Variants in CSMD1 observed in about 807,000 individuals in gnomAD.
CSMD1 encodes the protein CUB and Sushi multiple domains 1, also known as CUB and sushi domain-containing protein 1.
CSMD1 carries 213 observed loss-of-function variants against 417.5 expected under a neutral mutation model. The observed-to-expected ratio is 0.51, with a 90% confidence interval of 0.46 to 0.57. The LOEUF (loss-of-function observed/expected upper bound fraction) is 0.57, where lower values mean the gene tolerates loss of function less well. CSMD1 is among the 20% of genes least tolerant of loss of function. The pLI is 0.00. For synonymous variants in CSMD1, 2,862 were observed against 1,736.8 expected (o/e 1.65, Z -16.11); for missense variants, 6,923 against 4,529.7 (o/e 1.53, Z -15.17).
At chr8:4,472,894 A>G (rs889913846) in intron 2 of CSMD1, among the ~76,000 whole-genome samples, 10 of 152,016 alleles carry the variant, frequency 6.6e-5, no homozygotes, top group African/African-American at 2.4e-4. Context: ...AAATTATAGT[A>G]GAAATTTTTG....
intron 5 of CSMD1, among the ~76,000 whole-genome samples, chr8:3,921,330 C>T (rs2627395): frequency 0.58 from 88,488 of 151,836 alleles, 26,222 homozygotes; most frequent in East Asian, 0.76. Flanking sequence ...TCATTTTTGT[C>T]TATCCTTTCA....
At chr8:3,969,246 T>A (rs1005603387) in intron 5 of CSMD1, among the ~76,000 whole-genome samples, 1 of 152,072 alleles carries the variant, frequency 6.6e-6, no homozygotes, top group East Asian at 1.9e-4. Context: ...TGAGACTCTG[T>A]CTCGATAAAT....
chr8:3,547,215 C>T lies in CSMD1; in HGVS notation c.1344+27730G>A, dbSNP rs192052139. ...AAACAGGGCCACATGGCTTTGACTT[C>T]GGCCTTAAATAAGTGAGCAAGCCTC... On this transcript the variant is annotated intron_variant, in intron 10 of 69. Transcript: ENST00000635120. Among the ~76,000 whole-genome samples the T allele has an allele frequency of 1.2e-4, 18 of 152,314 alleles. No individual in the cohort carries two copies. In the East Asian group the frequency reaches 1.5e-3, roughly 13 times the overall value.
intron 1 of CSMD1, among the ~76,000 whole-genome samples, chr8:4,983,470 T>G (rs1229909450): frequency 6.6e-6 from 1 of 152,202 alleles, no homozygotes; most frequent in Non-Finnish European, 1.5e-5. Context: ...ACTTTAAGAT[T>G]TATGAAGTCC....
intron 2 of CSMD1, among the ~76,000 whole-genome samples, chr8:4,596,554 A>G (rs997412595): frequency 1.5e-4 from 12 of 77,732 alleles, no homozygotes; most frequent in African/African-American, 4.0e-4. Flanking sequence ...AGCTTTTCTA[A>G]AAAAAAAATA....
Position 4,225,610 on chromosome 8 carries a change from T to C in CSMD1, c.416-193511A>G, listed in dbSNP as rs1435097503. The stretch of plus-strand genomic sequence containing the variant: ...TTTTTATTTGGGAGGAAATATGCTG[T>C]TGTCCATTTTCCTGTCTGATCTGCA... On this transcript the variant is annotated intron_variant, in intron 3 of 69. Transcript: ENST00000635120. Among the ~76,000 whole-genome samples the C allele has an allele frequency of 5.9e-5, 9 of 152,088 alleles. No homozygotes were observed. The East Asian group carries it at 1.2e-3, about 20-fold the overall frequency.
chr8:4,012,763 C>T (rs1796334239), intron 4 of CSMD1, among the ~76,000 whole-genome samples: 1 of 152,136 alleles, frequency 6.6e-6, no homozygotes, highest in Non-Finnish European at 1.5e-5. Context: ...TTGCTCTTTC[C>T]ATTTTCAAAT....
intron 3 of CSMD1, among the ~76,000 whole-genome samples, chr8:4,064,676 C>T (rs1799151922): frequency 1.3e-5 from 2 of 152,216 alleles, no homozygotes; most frequent in Non-Finnish European, 2.9e-5. Context: ...TTCTCCCCTC[C>T]AACACTGCTG....
intron 47 of CSMD1, among the ~76,000 whole-genome samples, chr8:3,093,336 C>T (rs149987763): frequency 3.7e-4 from 56 of 152,176 alleles, no homozygotes; most frequent in African/African-American, 9.4e-4. Context: ...TGACCCCTTC[C>T]GCTTAAAGGT....
chr8:4,367,360 C>T (rs1331761445), intron 3 of CSMD1, among the ~76,000 whole-genome samples: 4 of 152,148 alleles, frequency 2.6e-5, no homozygotes, highest in African/African-American at 4.8e-5. Flanking sequence ...TCAAAGATCA[C>T]GTGATTGTAG....
At chr8:3,512,848 G>A (rs376201584) in intron 10 of CSMD1, among the ~76,000 whole-genome samples, 70 of 151,940 alleles carry the variant, frequency 4.6e-4, no homozygotes, top group African/African-American at 1.6e-3. Flanking sequence ...CGCCCACCTC[G>A]GCCTCCCAAA....
intron 2 of CSMD1, among the ~76,000 whole-genome samples, chr8:4,613,860 CA>C (rs60679775): frequency 0.012 from 1,500 of 123,602 alleles, 19 homozygotes; most frequent in African/African-American, 0.036. Context: ...TGTCTAATGC[CA>C]AAAAAAAAAA....
intron 2 of CSMD1, among the ~76,000 whole-genome samples, chr8:4,456,687 G>C (rs1423041598): frequency 6.6e-6 from 1 of 152,082 alleles, no homozygotes; most frequent in Non-Finnish European, 1.5e-5. Flanking sequence ...ATGGATGCTG[G>C]CTCTGGTGGA....
rs1250870954 is a variant in CSMD1, at chr8:3,487,198, C to CA, written c.1448+6424_1448+6425insT. Among the ~76,000 whole-genome samples the CA allele has an allele frequency of 2.8e-3, 133 of 47,964 alleles. No individual in the cohort carries two copies. The Middle Eastern group carries it at 0.042, about 15-fold the overall frequency. The allele number at this position is 47,964 out of a possible 152,430, so 31.5% of individuals were successfully genotyped here. A position where few individuals can be genotyped will look rare whatever the true frequency, so the allele number is the denominator to read the frequency against. ...CAGTGATTGATGTATTATCAGCATA[C>CA]TTTTTTATTTATTTAGTTTTTGAGA... On this transcript the variant is annotated intron_variant, in intron 11 of 69. Coordinates refer to ENST00000635120, the MANE Select transcript of CSMD1 (RefSeq NM_033225.6).
chr8:4,337,889 T>G (rs1800261570), intron 3 of CSMD1, among the ~76,000 whole-genome samples: 1 of 152,168 alleles, frequency 6.6e-6, no homozygotes, highest in Non-Finnish European at 1.5e-5. Flanking sequence ...TTCTTCAGCT[T>G]AAGACAAAAT....
chr8:3,959,277 A>C (rs1812165332), intron 5 of CSMD1, among the ~76,000 whole-genome samples: 1 of 152,210 alleles, frequency 6.6e-6, no homozygotes, highest in Non-Finnish European at 1.5e-5. Flanking sequence ...AGGCAGGAGG[A>C]CTTGAGGCCA....
At chr8:4,263,429 G>C (rs1053919177) in intron 3 of CSMD1, among the ~76,000 whole-genome samples, 2 of 152,108 alleles carry the variant, frequency 1.3e-5, no homozygotes, top group Non-Finnish European at 2.9e-5. Flanking sequence ...CAAAAACATC[G>C]TATGGGACTG....
chr8:3,832,659 A>G (rs1802444507), intron 5 of CSMD1, among the ~76,000 whole-genome samples: 1 of 152,218 alleles, frequency 6.6e-6, no homozygotes. Flanking sequence ...AACGAAACTG[A>G]GATTCAAGGA....
At chr8:3,012,161 G>A (rs6995867) in intron 52 of CSMD1, among the ~76,000 whole-genome samples, 2,386 of 152,284 alleles carry the variant, frequency 0.016, 22 homozygotes, top group East Asian at 0.038. Flanking sequence ...ATGCACCTGT[G>A]CATTACTTTG....
Sources: allele counts gnomAD v4.1 joint callset (sites outside exome capture counted in the v4.1 genomes callset), GRCh38; gene constraint gnomAD v4.1.1; transcripts MANE v1.5; gene names NCBI Gene and HGNC (gene_info 2026-07-23, HGNC 2026-07-21).